Variants in MARCO observed in about 807,000 individuals in gnomAD.
MARCO encodes the protein macrophage receptor with collagenous structure.
MARCO carries 72 observed loss-of-function variants against 70.0 expected under a neutral mutation model. The observed-to-expected ratio is 1.03, with a 90% CI of 0.85 to 1.25. The LOEUF is 1.25. Among genes scored for constraint, MARCO ranks in the 50% most tolerant of loss-of-function variants. MARCO has a pLI of 0.00. For missense variants in MARCO, 696 were observed against 659.3 expected (o/e 1.06, Z -0.61); for synonymous variants, 273 against 243.1 (o/e 1.12, Z -1.14).
chr2:118,982,441 G>A (rs1680412955), intron 12 of MARCO, 31 bp downstream of exon 12: 1 of 1,604,318 alleles, frequency 6.2e-7, no homozygotes, highest in South Asian at 1.1e-5. Flanking sequence ...TGAGTAGGTG[G>A]GCTTGCTGGG....
chr2:118,970,190 G>A lies in MARCO; in HGVS notation c.276G>A (p.Pro92=), dbSNP rs750963747. 1.4e-5 allele frequency: 22 copies of A among 1,614,034 alleles called. No homozygotes were observed. In the Middle Eastern group the frequency reaches 1.6e-3, roughly 121 times the overall value. The change falls in exon 3 of 17, where the codon CCG becomes CCA. Residue 92 remains proline, a synonymous_variant. Coordinates refer to ENST00000327097, the MANE Select transcript of MARCO (RefSeq NM_006770.4). ...ACACTCTGGCGGCTGAGGACAGCCC[G>A]TCCTTCTCCTTGCTGCAGTCAGCAC... ...LNDTLAAEDS[P]SFSLLQSAHP...
chr2:118,953,837 C>T (rs1679774794), intron 1 of MARCO, among the ~76,000 whole-genome samples: 1 of 152,168 alleles, frequency 6.6e-6, no homozygotes, highest in Non-Finnish European at 1.5e-5. Context: ...AAGTTTCTGA[C>T]TTTACCTGGA....
chr2:118,957,429 C>G (rs1364578392), intron 1 of MARCO, among the ~76,000 whole-genome samples: 1 of 151,960 alleles, frequency 6.6e-6, no homozygotes, highest in Non-Finnish European at 1.5e-5. Flanking sequence ...ACGTTCCTAG[C>G]TTAAATCAGG....
At chr2:118,950,298 G>A (rs1001446244) in intron 1 of MARCO, among the ~76,000 whole-genome samples, 1 of 152,110 alleles carries the variant, frequency 6.6e-6, no homozygotes, top group African/African-American at 2.4e-5. Flanking sequence ...TTTTGTTAAA[G>A]AGCAGGTTAG....
At chr2:118,991,411 G>A (rs1680619577) in intron 13 of MARCO, among the ~76,000 whole-genome samples, 2 of 152,110 alleles carry the variant, frequency 1.3e-5, no homozygotes, top group African/African-American at 4.8e-5. Context: ...ACAGGAGTAA[G>A]CCACTGTACT....
intron 1 of MARCO, among the ~76,000 whole-genome samples, chr2:118,951,262 T>C (rs1461216403): frequency 1.3e-5 from 2 of 152,240 alleles, no homozygotes; most frequent in Admixed American, 1.3e-4. Flanking sequence ...AGGGAGTTCC[T>C]CCTAGGTCTG....
rs575340408 is a variant in MARCO, at chr2:118,947,030, G to C, written c.97+4633G>C. Among the ~76,000 whole-genome samples the C allele has an allele frequency of 3.9e-5, 6 of 152,072 alleles. No homozygotes were observed. In the South Asian group the frequency reaches 1.2e-3, roughly 32 times the overall value. On this transcript the variant is annotated intron_variant, in intron 1 of 16. Coordinates refer to ENST00000327097, the MANE Select transcript of MARCO (RefSeq NM_006770.4). Reference sequence around the variant, plus strand: ...TGGATCTTTTATTTTTTATGGTTTGGTTTTAAGAGTTCTTTATATATTCTA... The same window carrying C: ...TGGATCTTTTATTTTTTATGGTTTGCTTTTAAGAGTTCTTTATATATTCTA...
At chr2:118,943,262 G>T (rs1679538047) in intron 1 of MARCO, among the ~76,000 whole-genome samples, 3 of 152,172 alleles carry the variant, frequency 2.0e-5, no homozygotes, top group African/African-American at 7.2e-5. Flanking sequence ...AAGCGTCTGG[G>T]GCTCTGCCTC....
chr2:118,953,743 C>T (rs1447756179), intron 1 of MARCO, among the ~76,000 whole-genome samples: 1 of 152,176 alleles, frequency 6.6e-6, no homozygotes, highest in Non-Finnish European at 1.5e-5. Flanking sequence ...CTGCGAGTGC[C>T]CCAGCCGTGT....
rs190793888 is a variant in MARCO at position 118,971,486 on chromosome 2, C to T, written c.425-13C>T. Reference sequence around the variant, plus strand: ...CCACAGCTCAGCTGCAGCTCACTCTCCTTCCCTTGCAGGGATGTTCAGAAT... The same window carrying T: ...CCACAGCTCAGCTGCAGCTCACTCTTCTTCCCTTGCAGGGATGTTCAGAAT... On this transcript the variant is annotated splice_polypyrimidine_tract_variant and intron_variant, in intron 3 of 16. Coordinates refer to ENST00000327097, the MANE Select transcript of MARCO (RefSeq NM_006770.4). 2.5e-6 allele frequency: 4 copies of T among 1,613,798 alleles called. No individual in the cohort carries two copies. Among genetic ancestry groups the T allele is most frequent in the Admixed American group, 3.3e-5 (2 of 60,002 alleles).
intron 1 of MARCO, chr2:118,949,460 T>C (rs533631761): frequency 6.6e-6 from 1 of 152,350 alleles, no homozygotes; most frequent in South Asian, 2.1e-4. Context: ...TTTGATTTTG[T>C]AGGTTTGGGA....
At chr2:118,956,205 G>A (rs1679834622) in intron 1 of MARCO, among the ~76,000 whole-genome samples, 1 of 152,098 alleles carries the variant, frequency 6.6e-6, no homozygotes, top group Admixed American at 6.6e-5. Context: ...ACTGCAGAAT[G>A]GATAAGAACT....
intron 1 of MARCO, among the ~76,000 whole-genome samples, chr2:118,962,702 T>C (rs1197277360): frequency 6.6e-6 from 1 of 152,172 alleles, no homozygotes; most frequent in Non-Finnish European, 1.5e-5. Flanking sequence ...CTTCTTTAAA[T>C]GTTTATTACG....
chr2:118,977,560 A>T, intron 7 of MARCO, 45 bp downstream of exon 7: 4 of 1,563,418 alleles, frequency 2.6e-6, no homozygotes, highest in Non-Finnish European at 3.5e-6. Context: ...GCATAGCCTG[A>T]GGCACTGAGG....
chr2:118,956,849 G>A (rs1300225449), intron 1 of MARCO, among the ~76,000 whole-genome samples: 6 of 152,032 alleles, frequency 3.9e-5, no homozygotes, highest in Non-Finnish European at 8.8e-5. Flanking sequence ...AACCTTCAAA[G>A]CCATGCAAAT....
At chr2:118,983,497 C>T (rs1680432448) in intron 12 of MARCO, among the ~76,000 whole-genome samples, 1 of 152,166 alleles carries the variant, frequency 6.6e-6, no homozygotes, top group African/African-American at 2.4e-5. Flanking sequence ...TCTGTCGAGC[C>T]CCAGAGCAAT....
intron 1 of MARCO, among the ~76,000 whole-genome samples, chr2:118,949,124 G>T (rs143246070): frequency 4.6e-5 from 7 of 152,170 alleles, no homozygotes; most frequent in Non-Finnish European, 8.8e-5. Context: ...GATCCGCAGG[G>T]TGTTGAACTT....
At chr2:118,993,783 G>A (rs749775248) in intron 16 of MARCO, among the ~76,000 whole-genome samples, 4 of 152,196 alleles carry the variant, frequency 2.6e-5, no homozygotes, top group Non-Finnish European at 5.9e-5. Flanking sequence ...ATCAGAGCAG[G>A]GACTTACTAA....
At position 118,990,569 on chromosome 2, in the gene MARCO, CT is replaced by C. The variant is rs1412467424; in HGVS notation, c.1064-14del. 5 of 1,415,974 alleles carry C rather than the reference CT, an allele frequency of 3.5e-6. No individual in the cohort carries two copies. The highest frequency in any genetic ancestry group is 1.2e-5 in the South Asian group (1 of 84,018). The allele number at this position is 1,415,974 out of a possible 1,614,324, so 87.7% of individuals were successfully genotyped here. On this transcript the variant is annotated intron_variant, in intron 12 of 16. Coordinates refer to ENST00000327097, the MANE Select transcript of MARCO (RefSeq NM_006770.4). Reference sequence around the variant, plus strand: ...AGTTTTATTATCTCCTCCCCCCCCCCTTTTTTGTTTTGATCTTAGGACTTCA... The same window carrying C: ...AGTTTTATTATCTCCTCCCCCCCCCCTTTTTGTTTTGATCTTAGGACTTCA...
Sources: gnomAD v4.1 joint callset for allele counts (sites outside exome capture counted in the v4.1 genomes callset) on GRCh38, gnomAD v4.1.1 for gene constraint, MANE v1.5 for transcripts, NCBI Gene and HGNC (gene_info 2026-07-23, HGNC 2026-07-21) for gene names.